PTPRCAP: variants seen among roughly 807,000 people sequenced by gnomAD.
PTPRCAP encodes the protein protein tyrosine phosphatase receptor type C associated protein.
For synonymous variants in PTPRCAP, 136 were observed against 135.8 expected (o/e 1.00, Z -0.01); for missense variants, 294 against 285.5 (o/e 1.03, Z -0.22).
Position 67,435,897 on chromosome 11 carries a change from T to G in PTPRCAP, c.457A>C (p.Ser153Arg). Residue 153 changes from serine to arginine, a missense_variant, in exon 2 of 2, where the codon AGT (serine) becomes CGT (arginine). By Grantham distance (110) the Ser-to-Arg change is moderately radical. Coordinates refer to ENST00000326294, the MANE Select transcript of PTPRCAP (RefSeq NM_005608.3). ...AGGACCAGGTCGCCCTCCGTGTCAC[T>G]GTCTCTGGCTTCCTCAGCCCGCACG... Reference protein sequence around the residue: ...VPVRAEEARDSDTEGDLVLGS... With the variant: ...VPVRAEEARDRDTEGDLVLGS... 6.2e-7 allele frequency: 1 copy of G among 1,612,394 alleles called. No homozygotes were observed. Among genetic ancestry groups the G allele is most frequent in the East Asian group, 2.2e-5 (1 of 44,866 alleles).
chr11:67,435,759 G>C lies in PTPRCAP; in HGVS notation c.595C>G (p.Gln199Glu), dbSNP rs1458886581. ...WDDSARAAGGQGLHVTAL is the reference protein window; with the variant it reads ...WDDSARAAGGEGLHVTAL ...TACAGTGCGGTGACATGGAGGCCCT[G>C]GCCCCCAGCTGCCCTGGCGCTGTCA... The change falls in exon 2 of 2, where the codon CAG becomes GAG. Residue 199 changes from glutamine to glutamate, a missense_variant. Transcript: ENST00000326294. The C allele has an allele frequency of 6.4e-7, 1 of 1,554,054 alleles. No homozygotes were observed. The highest frequency in any genetic ancestry group is 8.7e-7 in the Non-Finnish European group (1 of 1,151,012).
chr11:67,436,278 C>T lies in PTPRCAP; in HGVS notation c.76G>A (p.Glu26Lys), dbSNP rs1377177391. 6.5e-7 allele frequency: 1 copy of T among 1,539,140 alleles called. No homozygotes were observed. The highest frequency in any genetic ancestry group is 8.7e-7 in the Non-Finnish European group (1 of 1,146,766). ...PGALGSGGSA[E>K]DSVGSSSVTV... ...ACAGAGCTGGAGCCCACGCTGTCCT[C>T]CGCGCTGCCACCCGAGCCCAAGGCC... Residue 26 changes from glutamate (E) to lysine (K), a missense_variant, in exon 2 of 2, where the codon GAG (glutamate) becomes AAG (lysine). Coordinates refer to ENST00000326294, the MANE Select transcript of PTPRCAP (RefSeq NM_005608.3).
Position 67,436,215 on chromosome 11 carries a change from C to T in PTPRCAP, c.139G>A (p.Ala47Thr). ...CGCCAGGCCAGTGCTAGGCCAGTGG[C>T]CAGCAGTAGGAGCAGCAGCAGCAGC... ...VLLLLLLLLL[A>T]TGLALAWRRL... Residue 47 changes from alanine (A) to threonine (T), a missense_variant, in exon 2 of 2, where the codon GCC (alanine) becomes ACC (threonine). Ala to Thr is a moderately conservative substitution (Grantham distance 58). Transcript: ENST00000326294. 6.5e-7 allele frequency: 1 copy of T among 1,550,024 alleles called. No homozygotes were observed. Among genetic ancestry groups the T allele is most frequent in the Non-Finnish European group, 8.7e-7 (1 of 1,150,074 alleles).
Position 67,435,773 on chromosome 11 carries a change from C to T in PTPRCAP, c.581G>A (p.Arg194Lys), listed in dbSNP as rs745449435. 6.4e-7 allele frequency: 1 copy of T among 1,572,060 alleles called. No homozygotes were observed. Among genetic ancestry groups the T allele is most frequent in the Admixed American group, 1.7e-5 (1 of 57,386 alleles). The change falls in exon 2 of 2, where the codon AGG (arginine) becomes AAG (lysine). Residue 194 changes from arginine (R) to lysine (K), a missense_variant. Coordinates refer to ENST00000326294, the MANE Select transcript of PTPRCAP (RefSeq NM_005608.3). ...AGSAAWDDSA[R>K]AAGGQGLHVT... Reference sequence around the variant, plus strand: ...ATGGAGGCCCTGGCCCCCAGCTGCCCTGGCGCTGTCATCCCAGGCTGCGCT... The same window carrying T: ...ATGGAGGCCCTGGCCCCCAGCTGCCTTGGCGCTGTCATCCCAGGCTGCGCT...
chr11:67,435,536 A>G lies in PTPRCAP; in HGVS notation c.*197T>C. The G allele has an allele frequency of 1.3e-6, 1 of 779,748 alleles. No homozygotes were observed. The highest frequency in any genetic ancestry group is 1.9e-6 in the Non-Finnish European group (1 of 517,108). The allele number at this position is 779,748 out of a possible 1,614,324, so 48.3% of individuals were successfully genotyped here. A position where few individuals can be genotyped will look rare whatever the true frequency, so the allele number is the denominator to read the frequency against. The stretch of plus-strand genomic sequence containing the variant: ...ACAGGCTGAAGGAGTTTTATTTCAA[A>G]TGGTTGCCTGATGCCTGTGGTTGGG... On this transcript the variant is annotated 3_prime_UTR_variant, in exon 2 of 2. Coordinates refer to ENST00000326294, the MANE Select transcript of PTPRCAP (RefSeq NM_005608.3).
chr11:67,436,393 G>A (rs1425008269), intron 1 of PTPRCAP, 43 bp from the exon 2 acceptor site: 2 of 1,426,332 alleles, frequency 1.4e-6, no homozygotes, highest in South Asian at 1.5e-5. Flanking sequence ...AGCACCTGGG[G>A]TGGGGCCTGG....
At position 67,435,565 on chromosome 11, in the gene PTPRCAP, G is replaced by A; in HGVS notation, c.*168C>T. On this transcript the variant is annotated 3_prime_UTR_variant, in exon 2 of 2. Coordinates refer to ENST00000326294, the MANE Select transcript of PTPRCAP (RefSeq NM_005608.3). ...TTGCCTGATGCCTGTGGTTGGGGGG[G>A]GCCGTTCCCGTGGTGAGCGGGGTAC... 4.9e-6 allele frequency: 5 copies of A among 1,027,626 alleles called. No homozygotes were observed. Among genetic ancestry groups the A allele is most frequent in the Middle Eastern group, 3.1e-4 (1 of 3,232 alleles). 63.7% of individuals were successfully genotyped at this position (1,027,626 alleles called of 1,614,324 possible).
chr11:67,437,301 C>T, intron 1 of PTPRCAP: 1 of 321,074 alleles, frequency 3.1e-6, no homozygotes, highest in African/African-American at 2.1e-5. Context: ...GAGGTGCAGC[C>T]AGCCTCCCCC....
Position 67,436,329 on chromosome 11 carries a change from G to C in PTPRCAP, c.25C>G (p.Leu9Val). Residue 9 changes from leucine (L) to valine (V), a missense_variant, in exon 2 of 2, where the codon CTC becomes GTC. Physicochemically the swap from Leu to Val is conservative, Grantham distance 32. Transcript: ENST00000326294. ...CCTGGCAGGGCCAGCAGCATCCCGA[G>C]CCCTAAGGTGCAGGGCAGAGCCTGT... MALPCTLGLGMLLALPGAL... is the reference protein window; with the variant it reads MALPCTLGVGMLLALPGAL... 1 of 1,502,160 alleles carries C rather than the reference G, an allele frequency of 6.7e-7. No individual in the cohort carries two copies. The allele number at this position is 1,502,160 out of a possible 1,614,324, so 93.1% of individuals were successfully genotyped here. A position where few individuals can be genotyped will look rare whatever the true frequency, so the allele number is the denominator to read the frequency against.
chr11:67,436,276 C>A lies in PTPRCAP; in HGVS notation c.78G>T (p.Glu26Asp). Residue 26 changes from glutamate to aspartate, a missense_variant, in exon 2 of 2, where the codon GAG becomes GAT. Transcript: ENST00000326294. Reference protein sequence around the residue: ...PGALGSGGSAEDSVGSSSVTV... With the variant: ...PGALGSGGSADDSVGSSSVTV... ...TGACAGAGCTGGAGCCCACGCTGTC[C>A]TCCGCGCTGCCACCCGAGCCCAAGG... 6.5e-7 allele frequency: 1 copy of A among 1,539,376 alleles called. No individual in the cohort carries two copies. Among genetic ancestry groups the A allele is most frequent in the African/African-American group, 1.4e-5 (1 of 73,104 alleles).
At chr11:67,436,615 C>T in intron 1 of PTPRCAP, 1 of 389,364 alleles carries the variant, frequency 2.6e-6, no homozygotes, top group Non-Finnish European at 4.6e-6. Flanking sequence ...ACTGGCTGTT[C>T]CCTCTGCCCG....
intron 1 of PTPRCAP, chr11:67,436,668 T>A (rs1864289676): frequency 3.3e-6 from 1 of 301,602 alleles, no homozygotes; most frequent in East Asian, 5.9e-5. Flanking sequence ...CCGGGCTGCA[T>A]GGCCTGCTCA....
rs941777998 is a variant in PTPRCAP at position 67,436,313 on chromosome 11, G to T, written c.41C>A (p.Ala14Asp). 6.6e-7 allele frequency: 1 copy of T among 1,518,016 alleles called. No homozygotes were observed. Among genetic ancestry groups the T allele is most frequent in the African/African-American group, 1.4e-5 (1 of 72,562 alleles). The allele number at this position is 1,518,016 out of a possible 1,614,324, so 94.0% of individuals were successfully genotyped here. A position where few individuals can be genotyped will look rare whatever the true frequency, so the allele number is the denominator to read the frequency against. ...PCTLGLGMLL[A>D]LPGALGSGGS... ...ACCCGAGCCCAAGGCCCCTGGCAGG[G>T]CCAGCAGCATCCCGAGCCCTAAGGT... Residue 14 changes from alanine (A) to aspartate (D), a missense_variant, in exon 2 of 2, where the codon GCC (alanine) becomes GAC (aspartate). Coordinates refer to ENST00000326294, the MANE Select transcript of PTPRCAP (RefSeq NM_005608.3).
chr11:67,436,158 G>A lies in PTPRCAP; in HGVS notation c.196C>T (p.His66Tyr). Residue 66 changes from histidine to tyrosine, a missense_variant, in exon 2 of 2, where the codon CAC becomes TAC. Coordinates refer to ENST00000326294, the MANE Select transcript of PTPRCAP (RefSeq NM_005608.3). Reference protein sequence around the residue: ...RLSRDSGGYYHPARLGAALWG... With the variant: ...RLSRDSGGYYYPARLGAALWG... ...AGCGCGGCACCTAGGCGGGCCGGGT[G>A]GTAGTAGCCCCCTGAGTCACGGCTG... 4 of 1,566,140 alleles carry A rather than the reference G, an allele frequency of 2.6e-6. No homozygotes were observed. Among genetic ancestry groups the A allele is most frequent in the Non-Finnish European group, 2.6e-6 (3 of 1,155,692 alleles).
Position 67,435,839 on chromosome 11 carries a change from C to A in PTPRCAP, c.515G>T (p.Ser172Ile), listed in dbSNP as rs764464459. The A allele has an allele frequency of 8.7e-6, 14 of 1,608,642 alleles. No individual in the cohort carries two copies. The East Asian group carries it at 3.1e-4, about 36-fold the overall frequency. Residue 172 changes from serine to isoleucine, a missense_variant, in exon 2 of 2, where the codon AGT becomes ATT. Transcript: ENST00000326294. ...CAGGTCACTCAGCAGGGCCTCAGCA[C>A]TGCCCCCTGCGCTCGCTGGTCCTGG... is the stretch of plus-strand genomic sequence containing the variant. ...GSPGPASAGG[S>I]AEALLSDLHA...
In PTPRCAP at chr11:67,436,144, T is replaced by C. The variant is rs1301333767; in HGVS notation, c.210A>G (p.Leu70=). The C allele has an allele frequency of 1.3e-6, 2 of 1,574,982 alleles. No individual in the cohort carries two copies. The highest frequency in any genetic ancestry group is 1.7e-6 in the Non-Finnish European group (2 of 1,160,198). Residue 70 remains leucine (L), a synonymous_variant, in exon 2 of 2, where the codon CTA becomes CTG. Coordinates refer to ENST00000326294, the MANE Select transcript of PTPRCAP (RefSeq NM_005608.3). ...GCGTGCGGCCCCACAGCGCGGCACC[T>C]AGGCGGGCCGGGTGGTAGTAGCCCC... ...DSGGYYHPAR[L]GAALWGRTRR...
At chr11:67,437,338 C>A (rs1402970948) in intron 1 of PTPRCAP, 2 of 373,088 alleles carry the variant, frequency 5.4e-6, no homozygotes, top group East Asian at 3.9e-5. Context: ...CGCCCAGGCT[C>A]CAGGAATGCA....
In PTPRCAP at chr11:67,435,668, A is replaced by T. The variant is rs1864250889; in HGVS notation, c.*65T>A. On this transcript the variant is annotated 3_prime_UTR_variant, in exon 2 of 2. Transcript: ENST00000326294. ...GCTGGGGGTCCAGTCCAGCCATGGC[A>T]TCTTGGGAAGCAGAGGCACGGGGAG... 1 of 1,493,522 alleles carries T rather than the reference A, an allele frequency of 6.7e-7. No individual in the cohort carries two copies. The highest frequency in any genetic ancestry group is 2.3e-5 in the Admixed American group (1 of 43,296). 92.5% of individuals were successfully genotyped at this position (1,493,522 alleles called of 1,614,324 possible). A position where few individuals can be genotyped will look rare whatever the true frequency, so the allele number is the denominator to read the frequency against.
At position 67,435,642 on chromosome 11, in the gene PTPRCAP, G is replaced by A. The variant is rs1334033706; in HGVS notation, c.*91C>T. Reference sequence around the variant, plus strand: ...TGACAGTCTGAGGCATGGTCATGTGGGCTGGGGGTCCAGTCCAGCCATGGC... The same window carrying A: ...TGACAGTCTGAGGCATGGTCATGTGAGCTGGGGGTCCAGTCCAGCCATGGC... On this transcript the variant is annotated 3_prime_UTR_variant, in exon 2 of 2. Coordinates refer to ENST00000326294, the MANE Select transcript of PTPRCAP (RefSeq NM_005608.3). The A allele has an allele frequency of 7.4e-6, 11 of 1,484,760 alleles. No homozygotes were observed. The highest frequency in any genetic ancestry group is 8.9e-6 in the Non-Finnish European group (10 of 1,122,776). 92.0% of individuals were successfully genotyped at this position (1,484,760 alleles called of 1,614,324 possible).
Sources: gnomAD v4.1 joint callset for allele counts on GRCh38, gnomAD v4.1.1 for gene constraint, MANE v1.5 for transcripts, NCBI Gene and HGNC (gene_info 2026-07-23, HGNC 2026-07-21) for gene names.